The following MITF variants were observed in gnomAD, a reference collection of about 807,000 sequenced individuals.
The protein encoded by MITF is microphthalmia-associated transcription factor.
In MITF, 17 loss-of-function variants were observed where a neutral mutation model predicts 60.5. The ratio of observed to expected loss-of-function variants is 0.28; its 90% CI spans 0.19 to 0.42. MITF has a LOEUF of 0.42. MITF is among the 10% of genes least tolerant of loss of function. The pLI is 1.00. For missense variants in MITF, 622 were observed against 683.5 expected (o/e 0.91, Z 1.00); for synonymous variants, 260 against 248.5 (o/e 1.05, Z -0.43).
chr3:69,800,449 A>G (rs1281609202), intron 1 of MITF, among the ~76,000 whole-genome samples: 1 of 152,098 alleles, frequency 6.6e-6, no homozygotes, highest in Non-Finnish European at 1.5e-5. Flanking sequence ...TTGAGTATTT[A>G]CCTAAGAGCG....
At chr3:69,774,254 T>A (rs1255905436) in intron 1 of MITF, among the ~76,000 whole-genome samples, 1 of 152,174 alleles carries the variant, frequency 6.6e-6, no homozygotes, top group Admixed American at 6.5e-5. Context: ...TGCCCCAAAG[T>A]TGCATCATGA....
At chr3:69,914,722 G>A (rs1250062995) in intron 2 of MITF, among the ~76,000 whole-genome samples, 2 of 152,158 alleles carry the variant, frequency 1.3e-5, no homozygotes, top group African/African-American at 2.4e-5. Flanking sequence ...TCAGGGGGAT[G>A]GGCTGTGTTA....
chr3:69,915,481 A>G (rs893826998), intron 2 of MITF, among the ~76,000 whole-genome samples: 1 of 151,626 alleles, frequency 6.6e-6, no homozygotes, highest in African/African-American at 2.4e-5. Flanking sequence ...TCATATATAT[A>G]TTTGTATGTA....
chr3:69,943,635 C>G (rs868548365), intron 5 of MITF, among the ~76,000 whole-genome samples: 3 of 152,202 alleles, frequency 2.0e-5, no homozygotes, highest in Middle Eastern at 3.4e-3. Flanking sequence ...GTATCAAGCT[C>G]TATGTTAGCT....
At chr3:69,827,697 A>T (rs117411448) in intron 1 of MITF, among the ~76,000 whole-genome samples, 5 of 152,134 alleles carry the variant, frequency 3.3e-5, no homozygotes. Context: ...ATCAGTGGAC[A>T]TGACTTTTGG....
At chr3:69,750,192 T>C (rs1703877802) in intron 1 of MITF, among the ~76,000 whole-genome samples, 1 of 152,098 alleles carries the variant, frequency 6.6e-6, no homozygotes, top group African/African-American at 2.4e-5. Flanking sequence ...CTGATACCTT[T>C]CTAAAAAAGT....
intron 2 of MITF, among the ~76,000 whole-genome samples, chr3:69,932,647 G>T (rs1329674858): frequency 6.6e-6 from 1 of 152,146 alleles, no homozygotes; most frequent in Non-Finnish European, 1.5e-5. Flanking sequence ...GCTTTGTACA[G>T]ATTGTACAGT....
At chr3:69,843,640 C>T (rs2063678679) in intron 1 of MITF, among the ~76,000 whole-genome samples, 1 of 152,106 alleles carries the variant, frequency 6.6e-6, no homozygotes, top group African/African-American at 2.4e-5. Flanking sequence ...TTCTACACAA[C>T]TTTGGGTTTT....
intron 2 of MITF, among the ~76,000 whole-genome samples, chr3:69,925,649 A>T (rs1372447750): frequency 6.6e-6 from 1 of 152,178 alleles, no homozygotes; most frequent in Non-Finnish European, 1.5e-5. Flanking sequence ...GCAAAGCCCT[A>T]CAACATCTGG....
intron 1 of MITF, among the ~76,000 whole-genome samples, chr3:69,846,337 G>A (rs541356752): frequency 1.8e-4 from 27 of 152,232 alleles, no homozygotes; most frequent in African/African-American, 6.5e-4. Flanking sequence ...GCCTAATGGT[G>A]TGAACTGTGA....
intron 2 of MITF, among the ~76,000 whole-genome samples, chr3:69,900,343 G>A (rs2064969056): frequency 6.6e-6 from 1 of 152,124 alleles, no homozygotes; most frequent in East Asian, 1.9e-4. Context: ...TGTGGTTCTT[G>A]CCTACATTTT....
At chr3:69,814,682 G>C (rs931967318) in intron 1 of MITF, among the ~76,000 whole-genome samples, 2 of 152,040 alleles carry the variant, frequency 1.3e-5, no homozygotes, top group African/African-American at 4.8e-5. Flanking sequence ...GTCTGTGTGT[G>C]TAGTCTGAAA....
chr3:69,915,695 A>G (rs904900048), intron 2 of MITF, among the ~76,000 whole-genome samples: 6 of 152,208 alleles, frequency 3.9e-5, no homozygotes, highest in Admixed American at 6.5e-5. Context: ...CTAGGCAGTA[A>G]GAAGACCAGG....
At chr3:69,789,233 A>G (rs1268804876) in intron 1 of MITF, among the ~76,000 whole-genome samples, 1 of 152,256 alleles carries the variant, frequency 6.6e-6, no homozygotes, top group Admixed American at 6.5e-5. Context: ...TTTGCAAATC[A>G]TATATCTAAT....
chr3:69,759,251 T>C (rs1161766202), intron 1 of MITF, among the ~76,000 whole-genome samples: 2 of 152,188 alleles, frequency 1.3e-5, no homozygotes, highest in African/African-American at 4.8e-5. Context: ...ACGTTGAACT[T>C]GTGGCCAGCA....
intron 1 of MITF, among the ~76,000 whole-genome samples, chr3:69,809,035 T>A (rs2063058384): frequency 6.6e-6 from 1 of 152,018 alleles, no homozygotes; most frequent in Admixed American, 6.6e-5. Context: ...AGCATATGGA[T>A]AAATTTAAGA....
chr3:69,942,243 ATC>A (rs1226254907), intron 5 of MITF, among the ~76,000 whole-genome samples: 1 of 152,142 alleles, frequency 6.6e-6, no homozygotes, highest in Non-Finnish European at 1.5e-5. Flanking sequence ...AATTCTGGAG[ATC>A]TGTTTGATAA....
chr3:69,861,610 C>G (rs796326525), intron 1 of MITF, among the ~76,000 whole-genome samples: 2 of 152,168 alleles, frequency 1.3e-5, no homozygotes, highest in African/African-American at 4.8e-5. Flanking sequence ...TCCCTGTACC[C>G]TCTTCCCATT....
At chr3:69,803,076 C>T (rs564018112) in intron 1 of MITF, among the ~76,000 whole-genome samples, 12 of 152,260 alleles carry the variant, frequency 7.9e-5, no homozygotes, top group African/African-American at 2.4e-4. Context: ...CGCTCCCAGC[C>T]CACAGTCCAT....
Sources: gnomAD v4.1 joint callset for allele counts (sites outside exome capture counted in the v4.1 genomes callset) on GRCh38, gnomAD v4.1.1 for gene constraint, MANE v1.5 for transcripts, NCBI Gene and HGNC (gene_info 2026-07-23, HGNC 2026-07-21) for gene names.